The following PON2 variants were observed in gnomAD, a reference collection of about 807,000 sequenced individuals.
PON2 encodes the protein paraoxonase 2.
A neutral mutation model predicts 36.6 loss-of-function variants in PON2; 27 were observed. The ratio of observed to expected loss-of-function variants is 0.74; its 90% CI spans 0.54 to 1.02. The LOEUF (loss-of-function observed/expected upper bound fraction) is 1.02. Ranked by LOEUF, PON2 falls within the 50% of genes least tolerant of loss-of-function variation. The pLI is 0.00. For synonymous variants in PON2, 149 were observed against 156.3 expected (o/e 0.95, Z 0.35); for missense variants, 363 against 421.1 (o/e 0.86, Z 1.21).
At chr7:95,434,820 A>T in intron 1 of PON2, 58 bp downstream of exon 1, 9 of 1,514,786 alleles carry the variant, frequency 5.9e-6, no homozygotes, top group Non-Finnish European at 7.9e-6. Context: ...TCCCCGCACC[A>T]CGCGGCCACC....
chr7:95,419,779 G>A (rs1416976416), intron 2 of PON2, among the ~76,000 whole-genome samples: 3 of 152,150 alleles, frequency 2.0e-5, no homozygotes, highest in South Asian at 4.1e-4. Flanking sequence ...AGTCTTAGAT[G>A]AAGACAGCTG....
chr7:95,412,595 C>G, intron 3 of PON2, 118 bp from the exon 4 acceptor site: 1 of 970,936 alleles, frequency 1.0e-6, no homozygotes, highest in East Asian at 2.6e-5. Flanking sequence ...CATAAAGCCA[C>G]AAAAACTCAA....
At chr7:95,408,484 T>C (rs1200783424) in intron 6 of PON2, among the ~76,000 whole-genome samples, 1 of 152,202 alleles carries the variant, frequency 6.6e-6, no homozygotes, top group Non-Finnish European at 1.5e-5. Context: ...TTTTCATTAT[T>C]GTTATTTTTT....
chr7:95,434,318 C>T (rs1400512547), intron 1 of PON2: 1 of 152,572 alleles, frequency 6.6e-6, no homozygotes, highest in African/African-American at 2.4e-5. Flanking sequence ...GTCTGGCATT[C>T]TGGCTTCAGG....
chr7:95,424,404 T>C, intron 2 of PON2, 111 bp downstream of exon 2: 1 of 863,474 alleles, frequency 1.2e-6, no homozygotes, highest in South Asian at 1.4e-5. Flanking sequence ...TGATCTAATG[T>C]GATTTATCCA....
intron 2 of PON2, among the ~76,000 whole-genome samples, chr7:95,423,606 A>G (rs567711913): frequency 6.0e-4 from 92 of 152,250 alleles, no homozygotes; most frequent in African/African-American, 2.1e-3. Flanking sequence ...TCCACAATAC[A>G]TCCTACATAA....
chr7:95,425,948 A>C (rs968301780), intron 1 of PON2, among the ~76,000 whole-genome samples: 9 of 152,166 alleles, frequency 5.9e-5, no homozygotes, highest in African/African-American at 2.2e-4. Flanking sequence ...AAATACAATA[A>C]ATCTCATGGC....
intron 8 of PON2, 113 bp from the exon 9 acceptor site, chr7:95,405,601 A>T (rs905800058): frequency 4.9e-6 from 5 of 1,014,710 alleles, no homozygotes; most frequent in African/African-American, 1.6e-5. Context: ...CATGCTGTTG[A>T]AAATAGCAGT....
chr7:95,426,286 T>C (rs11982486), intron 1 of PON2, among the ~76,000 whole-genome samples: 44,146 of 152,078 alleles, frequency 0.29, 6,868 homozygotes, highest in Non-Finnish European at 0.35. Context: ...AAAAAGTTTA[T>C]GTAGCCTAAT....
At chr7:95,409,747 A>T in intron 6 of PON2, 154 bp downstream of exon 6, 1 of 240,928 alleles carries the variant, frequency 4.2e-6, no homozygotes, top group South Asian at 1.3e-4. Context: ...TACAAAACAT[A>T]TATAATTATA....
At chr7:95,411,077 G>A (rs1788911555) in intron 5 of PON2, among the ~76,000 whole-genome samples, 2 of 152,036 alleles carry the variant, frequency 1.3e-5, no homozygotes, top group Non-Finnish European at 2.9e-5. Context: ...TGAACTGGGG[G>A]TGGGGGTACA....
At chr7:95,414,469 A>G (rs1410574885) in intron 3 of PON2, among the ~76,000 whole-genome samples, 1 of 152,198 alleles carries the variant, frequency 6.6e-6, no homozygotes, top group Non-Finnish European at 1.5e-5. Flanking sequence ...CTTTGTAACT[A>G]TAACATGCCC....
chr7:95,411,321 G>A (rs147337787), intron 5 of PON2, among the ~76,000 whole-genome samples: 8 of 152,286 alleles, frequency 5.3e-5, no homozygotes, highest in South Asian at 2.1e-4. Flanking sequence ...GATGGAGGGT[G>A]ACAGCAGGAA....
rs1056690776 is a variant in PON2 at position 95,405,573 on chromosome 7, A to G, written c.907-85T>C. ...TCAATAAGCCCTGTTTTCCACAATG[A>G]CACACTGATTAAGGGGACATGCTGT... On this transcript the variant is annotated intron_variant, in intron 8 of 8. Coordinates refer to ENST00000222572, the MANE Select transcript of PON2 (RefSeq NM_000305.3). 6.9e-6 allele frequency: 9 copies of G among 1,309,762 alleles called. No individual in the cohort carries two copies. In the African/African-American group the frequency reaches 1.3e-4, roughly 19 times the overall value. The allele number at this position is 1,309,762 out of a possible 1,614,324, so 81.1% of individuals were successfully genotyped here.
intron 3 of PON2, 133 bp from the exon 4 acceptor site, chr7:95,412,610 CAG>C: frequency 5.8e-6 from 5 of 863,576 alleles, no homozygotes; most frequent in Middle Eastern, 3.1e-4. Flanking sequence ...ACTCAAAAAA[CAG>C]AGAAAAGATA....
intron 1 of PON2, among the ~76,000 whole-genome samples, chr7:95,433,682 T>A (rs1160820147): frequency 6.6e-6 from 1 of 152,250 alleles, no homozygotes; most frequent in East Asian, 1.9e-4. Context: ...ATCTCCTGAC[T>A]TTATGCTCCC....
chr7:95,424,840 C>A (rs1789278948), intron 1 of PON2, among the ~76,000 whole-genome samples: 1 of 151,050 alleles, frequency 6.6e-6, no homozygotes, highest in South Asian at 2.1e-4. Context: ...AATAACTCAA[C>A]AAATAAAACT....
intron 6 of PON2, among the ~76,000 whole-genome samples, chr7:95,409,290 C>T (rs552370428): frequency 3.3e-5 from 5 of 151,490 alleles, no homozygotes; most frequent in East Asian, 1.9e-4. Flanking sequence ...CCAGCCTGGG[C>T]GACGGAGTGA....
intron 6 of PON2, among the ~76,000 whole-genome samples, chr7:95,407,430 T>C (rs1412657753): frequency 6.6e-6 from 1 of 152,244 alleles, no homozygotes; most frequent in East Asian, 1.9e-4. Flanking sequence ...AATTATCATG[T>C]ACATATAGAA....
Sources: allele counts gnomAD v4.1 joint callset (sites outside exome capture counted in the v4.1 genomes callset), GRCh38; gene constraint gnomAD v4.1.1; transcripts MANE v1.5; gene names NCBI Gene and HGNC (gene_info 2026-07-23, HGNC 2026-07-21).